The following CENPH variants were observed in gnomAD, a reference collection of about 807,000 sequenced individuals.
CENPH encodes CENP-H.
In CENPH, 40 loss-of-function variants were observed where a neutral mutation model predicts 42.9. The observed-to-expected ratio is 0.93, with a 90% CI of 0.72 to 1.21. CENPH has a LOEUF of 1.21. CENPH is among the 50% of genes most tolerant of loss of function. The probability of loss-of-function intolerance (pLI) is 0.00; values close to 1 mark genes in which losing one functional copy is unlikely to be tolerated. For synonymous variants in CENPH, 88 were observed against 96.5 expected, an observed-to-expected ratio of 0.91 and a Z score of 0.52; for missense variants, 302 against 292.9, an observed-to-expected ratio of 1.03 and a Z score of -0.23.
intron 1 of CENPH, among the ~76,000 whole-genome samples, 168 bp downstream of exon 1, chr5:69,189,936 G>C (rs1182732235): frequency 6.6e-6 from 1 of 152,220 alleles, no homozygotes; most frequent in Non-Finnish European, 1.5e-5. Context: ...GCGAAAAGGA[G>C]AGAAAAATGA....
intron 2 of CENPH, among the ~76,000 whole-genome samples, chr5:69,192,994 G>T (rs1424299949): frequency 6.6e-6 from 1 of 151,636 alleles, no homozygotes; most frequent in African/African-American, 2.4e-5. Context: ...TACTCGGGGA[G>T]GCTGAGGCAG....
intron 5 of CENPH, among the ~76,000 whole-genome samples, chr5:69,200,247 A>G (rs910873371): frequency 2.0e-5 from 3 of 152,190 alleles, no homozygotes; most frequent in Non-Finnish European, 4.4e-5. Flanking sequence ...AACCATCTTT[A>G]GCCTTGAGCT....
In CENPH at chr5:69,195,770, TAAA is replaced by T; in HGVS notation, c.297_299del (p.Lys100del). 6.5e-7 allele frequency: 1 copy of T among 1,545,868 alleles called. No individual in the cohort carries two copies. Among genetic ancestry groups the T allele is most frequent in the Non-Finnish European group, 8.8e-7 (1 of 1,136,630 alleles). ...GAAGAGGTAAAAGTTGCTTTTGAGA[TAAA>T]AAAGCTTGCATTAGACAGGTAATTA... On this transcript the variant is annotated inframe_deletion, in exon 4 of 9. Coordinates refer to ENST00000283006, the MANE Select transcript of CENPH (RefSeq NM_022909.4).
rs1319931465 is a variant in CENPH at position 69,210,315 on chromosome 5, T to C, written c.*516T>C. 6.6e-6 allele frequency: 1 copy of C among 152,192 alleles called. No individual in the cohort carries two copies. The highest frequency in any genetic ancestry group is 1.5e-5 in the Non-Finnish European group (1 of 68,038). 9.4% of individuals were successfully genotyped at this position (152,192 alleles called of 1,614,324 possible). ...AGCCTGGTCTAGTTTGCATTTTTTT[T>C]CTATCAGTTTTATAAGTTAAGAAAT... is the stretch of plus-strand genomic sequence containing the variant. On this transcript the variant is annotated 3_prime_UTR_variant, in exon 9 of 9. Transcript: ENST00000283006.
chr5:69,206,004 C>T (rs1303789541), intron 7 of CENPH, among the ~76,000 whole-genome samples: 2 of 151,700 alleles, frequency 1.3e-5, no homozygotes, highest in African/African-American at 2.4e-5. Context: ...CCACCATGCC[C>T]GGCCTTTTTT....
intron 2 of CENPH, among the ~76,000 whole-genome samples, chr5:69,193,161 A>G (rs899673686): frequency 2.0e-5 from 3 of 150,914 alleles, no homozygotes; most frequent in African/African-American, 7.3e-5. Flanking sequence ...ATGTATATAT[A>G]TGTATATATA....
intron 2 of CENPH, among the ~76,000 whole-genome samples, chr5:69,193,898 T>G (rs1747921165): frequency 6.6e-6 from 1 of 152,000 alleles, no homozygotes; most frequent in African/African-American, 2.4e-5. Flanking sequence ...GTGATCCACC[T>G]GCCTCGGCCT....
At chr5:69,190,544 T>A (rs1257433817) in intron 1 of CENPH, among the ~76,000 whole-genome samples, 2 of 152,018 alleles carry the variant, frequency 1.3e-5, no homozygotes, top group Non-Finnish European at 2.9e-5. Flanking sequence ...AGAAAAAAAT[T>A]TGCGGTCCTC....
chr5:69,206,687 G>A (rs554590829), intron 7 of CENPH, among the ~76,000 whole-genome samples: 1 of 151,980 alleles, frequency 6.6e-6, no homozygotes, highest in East Asian at 1.9e-4. Context: ...AGTAGAGACG[G>A]GTTTCATCAT....
chr5:69,194,412 A>G (rs554583923), intron 2 of CENPH, among the ~76,000 whole-genome samples: 2 of 152,330 alleles, frequency 1.3e-5, no homozygotes, highest in South Asian at 4.1e-4. Context: ...TGTAAAATAC[A>G]GACAGAATAA....
At chr5:69,206,804 A>C (rs1479168555) in intron 7 of CENPH, among the ~76,000 whole-genome samples, 1 of 152,122 alleles carries the variant, frequency 6.6e-6, no homozygotes, top group Non-Finnish European at 1.5e-5. Context: ...CAGATTTGTC[A>C]TTTGTAAACA....
intron 8 of CENPH, 75 bp downstream of exon 8, chr5:69,208,434 A>G: frequency 1.1e-6 from 1 of 901,838 alleles, no homozygotes; most frequent in South Asian, 1.8e-5. Context: ...ATCTCAGCTC[A>G]TTGCAAACTC....
intron 5 of CENPH, among the ~76,000 whole-genome samples, chr5:69,198,172 G>A (rs962713835): frequency 7.9e-5 from 12 of 151,782 alleles, no homozygotes; most frequent in African/African-American, 2.2e-4. Flanking sequence ...CACCCGCCTC[G>A]GCCTCCCAAA....
chr5:69,198,436 C>T (rs901823272), intron 5 of CENPH, among the ~76,000 whole-genome samples: 3 of 151,998 alleles, frequency 2.0e-5, no homozygotes, highest in Admixed American at 6.6e-5. Flanking sequence ...ATTACAGGCA[C>T]CTGCTACAAC....
intron 7 of CENPH, among the ~76,000 whole-genome samples, chr5:69,203,227 C>T (rs998885818): frequency 6.6e-6 from 1 of 152,174 alleles, no homozygotes; most frequent in African/African-American, 2.4e-5. Flanking sequence ...AATGCAGTGA[C>T]TTGATCTTGG....
chr5:69,209,633 G>A (rs1395327091), intron 8 of CENPH, 74 bp from the exon 9 acceptor site: 1 of 693,690 alleles, frequency 1.4e-6, no homozygotes, highest in East Asian at 2.8e-5. Flanking sequence ...TAAGATTCAT[G>A]AAAAATGATA....
chr5:69,203,084 TA>T, intron 7 of CENPH, 114 bp downstream of exon 7: 1 of 733,570 alleles, frequency 1.4e-6, no homozygotes, highest in South Asian at 1.7e-5. Flanking sequence ...CAAAATTCCT[TA>T]AAATTTTTGA....
chr5:69,196,197 C>T (rs1295002838), intron 4 of CENPH, among the ~76,000 whole-genome samples: 1 of 152,076 alleles, frequency 6.6e-6, no homozygotes, highest in Admixed American at 6.6e-5. Flanking sequence ...TCAGCCTCCC[C>T]AAAATGCTGG....
At chr5:69,191,721 G>T in intron 1 of CENPH, 74 bp from the exon 2 acceptor site, 1 of 801,682 alleles carries the variant, frequency 1.2e-6, no homozygotes, top group Non-Finnish European at 2.1e-6. Context: ...AGAATGAGTT[G>T]GTTCGTCATG....
Sources: allele counts gnomAD v4.1 joint callset (sites outside exome capture counted in the v4.1 genomes callset), GRCh38; gene constraint gnomAD v4.1.1; transcripts MANE v1.5; gene names NCBI Gene and HGNC (gene_info 2026-07-23, HGNC 2026-07-21).